The following ERBB4 variants were observed in gnomAD, a reference collection of about 807,000 sequenced individuals.
ERBB4 encodes the protein receptor tyrosine-protein kinase erbB-4.
In ERBB4, 42 loss-of-function variants were observed where a neutral mutation model predicts 158.0. The observed-to-expected ratio is 0.27, with a 90% CI of 0.21 to 0.34. The LOEUF (loss-of-function observed/expected upper bound fraction) is 0.34, where lower values mean the gene tolerates loss of function less well. Among genes scored for constraint, ERBB4 ranks in the 10% least tolerant of loss-of-function variants. The pLI, the probability that ERBB4 is intolerant of heterozygous loss-of-function variation, is 1.00. For synonymous variants in ERBB4, 583 were observed against 558.7 expected, an observed-to-expected ratio of 1.04 and a Z score of -0.61; for missense variants, 1,333 against 1,624.1, an observed-to-expected ratio of 0.82 and a Z score of 3.08.
intron 1 of ERBB4, among the ~76,000 whole-genome samples, chr2:212,413,394 T>C (rs1026706555): frequency 6.6e-6 from 1 of 152,096 alleles, no homozygotes; most frequent in Non-Finnish European, 1.5e-5. Context: ...AATAGCCACA[T>C]ATACACCTGG....
At chr2:212,079,024 T>C (rs769987335) in intron 2 of ERBB4, among the ~76,000 whole-genome samples, 1 of 151,374 alleles carries the variant, frequency 6.6e-6, no homozygotes, top group Non-Finnish European at 1.5e-5. Context: ...CTTTTTTCTA[T>C]TTCATTTTTA....
chr2:212,132,273 G>A (rs547055145), intron 1 of ERBB4, among the ~76,000 whole-genome samples: 90 of 152,306 alleles, frequency 5.9e-4, no homozygotes, highest in African/African-American at 1.8e-3. Flanking sequence ...ATTAAGTACA[G>A]ATTAAGGAGA....
chr2:212,418,819 T>C (rs913077273), intron 1 of ERBB4, among the ~76,000 whole-genome samples: 2 of 151,856 alleles, frequency 1.3e-5, no homozygotes, highest in Non-Finnish European at 2.9e-5. Context: ...TAGATTTTAA[T>C]GTAAGGCAAG....
At chr2:212,055,694 C>T (rs1475866960) in intron 2 of ERBB4, among the ~76,000 whole-genome samples, 3 of 152,206 alleles carry the variant, frequency 2.0e-5, no homozygotes, top group African/African-American at 7.2e-5. Context: ...CCAGCAAACT[C>T]CAAAAGACCT....
intron 1 of ERBB4, among the ~76,000 whole-genome samples, chr2:212,267,106 A>C (rs1440279970): frequency 6.6e-6 from 1 of 151,996 alleles, no homozygotes; most frequent in African/African-American, 2.4e-5. Context: ...CAGAGTATAA[A>C]AATGCCAAAA....
intron 20 of ERBB4, among the ~76,000 whole-genome samples, chr2:211,521,287 C>T (rs1171856135): frequency 6.6e-6 from 1 of 152,100 alleles, no homozygotes; most frequent in East Asian, 1.9e-4. Flanking sequence ...GAAAGCAAAA[C>T]AGCCTTATTG....
chr2:211,491,978 A>G (rs1441614191), intron 20 of ERBB4, among the ~76,000 whole-genome samples: 1 of 151,942 alleles, frequency 6.6e-6, no homozygotes, highest in Non-Finnish European at 1.5e-5. Context: ...ATCCTCCATT[A>G]TGTATTCCAG....
At chr2:211,900,715 A>G (rs776752946) in intron 3 of ERBB4, among the ~76,000 whole-genome samples, 9 of 152,158 alleles carry the variant, frequency 5.9e-5, no homozygotes, top group Non-Finnish European at 1.2e-4. Context: ...GACTCAAGGC[A>G]CTTAGAATAA....
At chr2:212,229,321 G>C (rs16848023) in intron 1 of ERBB4, among the ~76,000 whole-genome samples, 4,017 of 152,268 alleles carry the variant, frequency 0.026, 171 homozygotes, top group African/African-American at 0.092. Flanking sequence ...AGATGCCTCG[G>C]TGAAGTCTGG....
intron 16 of ERBB4, among the ~76,000 whole-genome samples, chr2:211,648,178 T>A (rs1430101715): frequency 6.6e-6 from 1 of 151,888 alleles, no homozygotes; most frequent in East Asian, 1.9e-4. Flanking sequence ...AATTTTTTAT[T>A]TTCCTCATAA....
chr2:212,357,072 T>G (rs957981231), intron 1 of ERBB4, among the ~76,000 whole-genome samples: 1 of 151,948 alleles, frequency 6.6e-6, no homozygotes, highest in Non-Finnish European at 1.5e-5. Flanking sequence ...GTCTTATACA[T>G]AAGTGTCTTA....
intron 1 of ERBB4, among the ~76,000 whole-genome samples, chr2:212,177,313 G>A (rs1166652444): frequency 6.6e-6 from 1 of 151,700 alleles, no homozygotes; most frequent in Admixed American, 6.6e-5. Flanking sequence ...CTTAGCGGTT[G>A]TGCCTATTAC....
chr2:211,598,336 C>T (rs2068698959), intron 19 of ERBB4, among the ~76,000 whole-genome samples: 1 of 151,948 alleles, frequency 6.6e-6, no homozygotes, highest in African/African-American at 2.4e-5. Flanking sequence ...ACAGGAAGAT[C>T]AGGCACAGAT....
At chr2:211,524,678 G>A (rs1313458750) in intron 20 of ERBB4, among the ~76,000 whole-genome samples, 1 of 151,196 alleles carries the variant, frequency 6.6e-6, no homozygotes, top group African/African-American at 2.5e-5. Flanking sequence ...CGAGTGCGGG[G>A]CCGCCAAGCC....
intron 4 of ERBB4, among the ~76,000 whole-genome samples, chr2:211,785,104 T>A (rs1188547927): frequency 1.4e-5 from 2 of 146,170 alleles, no homozygotes; most frequent in African/African-American, 2.5e-5. Flanking sequence ...TTTTTTTTTT[T>A]TTTTTTTTTA....
At chr2:212,335,410 T>G (rs1364850484) in intron 1 of ERBB4, among the ~76,000 whole-genome samples, 1 of 151,926 alleles carries the variant, frequency 6.6e-6, no homozygotes, top group African/African-American at 2.4e-5. Flanking sequence ...AACTAATGAT[T>G]TGTAATTTAA....
intron 2 of ERBB4, among the ~76,000 whole-genome samples, chr2:212,087,390 A>G (rs2078648095): frequency 6.6e-6 from 1 of 152,124 alleles, no homozygotes; most frequent in Admixed American, 6.6e-5. Context: ...ATTTATAGTA[A>G]CAGTACTAAC....
chr2:212,114,177 C>T (rs935972169), intron 2 of ERBB4, among the ~76,000 whole-genome samples: 7 of 152,012 alleles, frequency 4.6e-5, no homozygotes, highest in African/African-American at 1.2e-4. Flanking sequence ...AGAAGTGCTA[C>T]AAAGAAGCAG....
At chr2:212,198,497 T>C (rs10180825) in intron 1 of ERBB4, among the ~76,000 whole-genome samples, 2,006 of 152,286 alleles carry the variant, frequency 0.013, 21 homozygotes, top group Non-Finnish European at 0.02. Flanking sequence ...GACTGGCTTA[T>C]GTCTTAAATG....
Sources: gnomAD v4.1 joint callset for allele counts (sites outside exome capture counted in the v4.1 genomes callset) on GRCh38, gnomAD v4.1.1 for gene constraint, MANE v1.5 for transcripts, NCBI Gene and HGNC (gene_info 2026-07-23, HGNC 2026-07-21) for gene names.